PDE4D: variants seen among roughly 807,000 people sequenced by gnomAD.
The protein encoded by PDE4D is 3',5'-cyclic-AMP phosphodiesterase 4D.
PDE4D carries 24 observed loss-of-function variants against 87.4 expected under a neutral mutation model. The ratio of observed to expected loss-of-function variants is 0.27; its 90% CI spans 0.20 to 0.39. The LOEUF is 0.39. Among genes scored for constraint, PDE4D ranks in the 10% least tolerant of loss-of-function variants. The pLI is 1.00. For missense variants in PDE4D, 714 were observed against 1,041.0 expected (o/e 0.69, Z 4.32); for synonymous variants, 384 against 383.2 (o/e 1.00, Z -0.02).
chr5:60,206,358 A>G (rs1742525429), intron 1 of PDE4D, among the ~76,000 whole-genome samples: 1 of 152,260 alleles, frequency 6.6e-6, no homozygotes, highest in Non-Finnish European at 1.5e-5. Context: ...GCTTCAAAGG[A>G]CAGATTTCCC....
intron 1 of PDE4D, among the ~76,000 whole-genome samples, chr5:60,340,046 G>A (rs1039494752): frequency 2.6e-5 from 4 of 152,176 alleles, no homozygotes; most frequent in African/African-American, 4.8e-5. Flanking sequence ...CAAAACCACC[G>A]GAGATTATGT....
At chr5:59,937,584 G>A (rs1756739733) in intron 3 of PDE4D, among the ~76,000 whole-genome samples, 1 of 152,178 alleles carries the variant, frequency 6.6e-6, no homozygotes, top group Admixed American at 6.5e-5. Context: ...TTTCCCTGGT[G>A]CAGGCAAGTA....
At chr5:59,225,352 T>C (rs1462887406) in intron 1 of PDE4D, among the ~76,000 whole-genome samples, 1 of 152,230 alleles carries the variant, frequency 6.6e-6, no homozygotes, top group Non-Finnish European at 1.5e-5. Flanking sequence ...TTCTGTTCTA[T>C]TGGTTTTATG....
intron 1 of PDE4D, among the ~76,000 whole-genome samples, chr5:60,306,919 C>G (rs1409845880): frequency 3.9e-5 from 6 of 152,022 alleles, no homozygotes; most frequent in Non-Finnish European, 8.8e-5. Context: ...CAGAATTACA[C>G]TATATTCCAC....
At chr5:60,304,078 T>C (rs1754200082) in intron 1 of PDE4D, 2 of 152,168 alleles carry the variant, frequency 1.3e-5, no homozygotes, top group African/African-American at 4.8e-5. Context: ...AACTTGCATG[T>C]AATCCTTGTG....
At chr5:59,820,213 A>G (rs1769472923) in intron 1 of PDE4D, among the ~76,000 whole-genome samples, 1 of 152,162 alleles carries the variant, frequency 6.6e-6, no homozygotes, top group Non-Finnish European at 1.5e-5. Context: ...AGACAATGTT[A>G]TTATTTCTTC....
Position 59,105,902 on chromosome 5 carries a change from C to T in PDE4D, c.809-66931G>A, listed in dbSNP as rs117087351. ...AATCTCCCCATAGGAGGGAGTGTGA[C>T]CTAACACTAGTAATACCTAGAAATA... is the stretch of plus-strand genomic sequence containing the variant. On this transcript the variant is annotated intron_variant, in intron 5 of 14. Coordinates refer to ENST00000340635, the MANE Select transcript of PDE4D (RefSeq NM_001104631.2). Among the ~76,000 whole-genome samples the T allele has an allele frequency of 3.9e-3, 598 of 152,114 alleles. 6 individuals are homozygous for T. The East Asian group carries it at 0.052, about 13-fold the overall frequency.
intron 1 of PDE4D, among the ~76,000 whole-genome samples, chr5:59,376,928 T>C (rs1025471972): frequency 3.3e-5 from 5 of 152,250 alleles, no homozygotes; most frequent in Admixed American, 6.5e-5. Flanking sequence ...AAAACAAGCA[T>C]TGGAGAAAAG....
chr5:59,016,294 A>G (rs917864185), intron 6 of PDE4D, among the ~76,000 whole-genome samples: 4 of 151,428 alleles, frequency 2.6e-5, no homozygotes, highest in Admixed American at 6.6e-5. Context: ...TTAAAAAAGT[A>G]GATAGTCCCA....
intron 1 of PDE4D, among the ~76,000 whole-genome samples, chr5:59,836,809 G>C (rs943053603): frequency 5.3e-5 from 8 of 152,008 alleles, no homozygotes; most frequent in Non-Finnish European, 7.4e-5. Context: ...GAAATGTTTT[G>C]CTAAGTGTTT....
At chr5:59,708,887 T>G (rs1353474662) in intron 1 of PDE4D, among the ~76,000 whole-genome samples, 2 of 151,414 alleles carry the variant, frequency 1.3e-5, no homozygotes, top group South Asian at 2.1e-4. Flanking sequence ...GGCTGAAAAG[T>G]CTTAATTTCT....
intron 1 of PDE4D, among the ~76,000 whole-genome samples, chr5:59,888,906 T>C (rs1251666997): frequency 1.3e-5 from 2 of 152,104 alleles, no homozygotes; most frequent in African/African-American, 2.4e-5. Flanking sequence ...ATGTTTTCTT[T>C]ATTTAATATA....
At chr5:59,303,650 T>C (rs1406687888) in intron 1 of PDE4D, among the ~76,000 whole-genome samples, 1 of 152,122 alleles carries the variant, frequency 6.6e-6, no homozygotes, top group Non-Finnish European at 1.5e-5. Context: ...AAGGTTATCC[T>C]TTTCCCCACT....
At chr5:59,594,440 C>T (rs200760821) in intron 1 of PDE4D, among the ~76,000 whole-genome samples, 1 of 152,006 alleles carries the variant, frequency 6.6e-6, no homozygotes, top group East Asian at 1.9e-4. Flanking sequence ...CCTGCCTCAG[C>T]CTCCCCAGTA....
At chr5:59,495,518 G>A (rs1807014873) in intron 1 of PDE4D, among the ~76,000 whole-genome samples, 1 of 152,152 alleles carries the variant, frequency 6.6e-6, no homozygotes. Flanking sequence ...GTAGTGTGTG[G>A]CTCCCCAACA....
At chr5:59,800,909 G>T (rs1767052847) in intron 1 of PDE4D, among the ~76,000 whole-genome samples, 1 of 152,158 alleles carries the variant, frequency 6.6e-6, no homozygotes, top group South Asian at 2.1e-4. Flanking sequence ...ATACAAAATT[G>T]CTATTAGTTT....
At chr5:60,113,423 C>T (rs542500523) in intron 2 of PDE4D, among the ~76,000 whole-genome samples, 28 of 152,192 alleles carry the variant, frequency 1.8e-4, no homozygotes, top group African/African-American at 6.7e-4. Flanking sequence ...TTCCTTAACC[C>T]TTACATTGCC....
At chr5:60,112,196 TA>T (rs1200636285) in intron 2 of PDE4D, among the ~76,000 whole-genome samples, 1 of 152,124 alleles carries the variant, frequency 6.6e-6, no homozygotes, top group African/African-American at 2.4e-5. Flanking sequence ...TATATTTCAT[TA>T]AAAAACTGAT....
intron 1 of PDE4D, among the ~76,000 whole-genome samples, chr5:59,565,511 C>A (rs1363080622): frequency 6.6e-6 from 1 of 152,018 alleles, no homozygotes; most frequent in Non-Finnish European, 1.5e-5. Flanking sequence ...TGAGTAAAAC[C>A]CTGTCTACAA....
Sources: gnomAD v4.1 joint callset for allele counts (sites outside exome capture counted in the v4.1 genomes callset) on GRCh38, gnomAD v4.1.1 for gene constraint, MANE v1.5 for transcripts, NCBI Gene and HGNC (gene_info 2026-07-23, HGNC 2026-07-21) for gene names.